EPB41L4A: variants seen among roughly 807,000 people sequenced by gnomAD.
The protein encoded by EPB41L4A is band 4.1-like protein 4A.
EPB41L4A carries 100 observed loss-of-function variants against 108.6 expected under a neutral mutation model. The ratio of observed to expected loss-of-function variants is 0.92; its 90% CI spans 0.78 to 1.09. EPB41L4A has a LOEUF of 1.09. Among genes scored for constraint, EPB41L4A ranks in the 50% least tolerant of loss-of-function variants. The pLI is 0.00. For synonymous variants in EPB41L4A, 319 were observed against 289.0 expected (o/e 1.10, Z -1.05); for missense variants, 1,030 against 842.7 (o/e 1.22, Z -2.75).
At chr5:112,209,636 GA>G (rs1762634771) in intron 13 of EPB41L4A, among the ~76,000 whole-genome samples, 1 of 152,152 alleles carries the variant, frequency 6.6e-6, no homozygotes, top group African/African-American at 2.4e-5. Context: ...TTTCTGCGGA[GA>G]ATGCAGACCA....
intron 12 of EPB41L4A, among the ~76,000 whole-genome samples, chr5:112,147,809 C>G: frequency 6.6e-6 from 1 of 152,094 alleles, no homozygotes; most frequent in East Asian, 1.9e-4. Context: ...CGGTGGCTCA[C>G]GCCTGTAATG....
At chr5:112,263,625 T>C (rs1751642416) in intron 6 of EPB41L4A, 1 of 152,122 alleles carries the variant, frequency 6.6e-6, no homozygotes, top group Admixed American at 6.6e-5. Context: ...TCTCTGACCA[T>C]CTACTTCAGC....
chr5:112,300,229 T>C lies in EPB41L4A; in HGVS notation c.204+7157A>G, dbSNP rs189703575. Among the ~76,000 whole-genome samples the C allele has an allele frequency of 4.2e-4, 64 of 152,276 alleles. No homozygotes were observed. The East Asian group carries it at 0.012, about 28-fold the overall frequency. On this transcript the variant is annotated intron_variant, in intron 2 of 22. Coordinates refer to ENST00000261486, the MANE Select transcript of EPB41L4A (RefSeq NM_022140.5). ...ACCTTGTTTTTTCTTAATTATATTT[T>C]TGTTTTATAGGTCCTGTGAGACTTA...
At chr5:112,293,635 G>A (rs776953355) in intron 2 of EPB41L4A, among the ~76,000 whole-genome samples, 6 of 152,162 alleles carry the variant, frequency 3.9e-5, no homozygotes, top group African/African-American at 9.7e-5. Flanking sequence ...TTTTGAGTCC[G>A]TGTCAAAATC....
In EPB41L4A at chr5:112,162,815, T is replaced by C. The variant is rs1759991594; in HGVS notation, c.*2175A>G. 1 of 152,202 alleles carries C rather than the reference T, an allele frequency of 6.6e-6. No homozygotes were observed. The highest frequency in any genetic ancestry group is 6.5e-5 in the Admixed American group (1 of 15,290). 9.4% of individuals were successfully genotyped at this position (152,202 alleles called of 1,614,324 possible). On this transcript the variant is annotated 3_prime_UTR_variant, in exon 23 of 23. Transcript: ENST00000261486. ...CCTGAGAAAGAGTTGAGACTAAAGG[T>C]ATGTGTCATATTTTTCACAAGGCAA...
At chr5:112,400,103 T>C (rs2112739059) in intron 1 of EPB41L4A, among the ~76,000 whole-genome samples, 1 of 152,288 alleles carries the variant, frequency 6.6e-6, no homozygotes, top group African/African-American at 2.4e-5. Context: ...TGCACATGGC[T>C]GGGGAGACCT....
At chr5:112,407,344 G>T (rs1580850229) in intron 1 of EPB41L4A, among the ~76,000 whole-genome samples, 4 of 152,182 alleles carry the variant, frequency 2.6e-5, no homozygotes, top group African/African-American at 9.6e-5. Context: ...AGTCATAGAG[G>T]ATTGTAGTTC....
intron 17 of EPB41L4A, among the ~76,000 whole-genome samples, 177 bp from the exon 18 acceptor site, chr5:112,184,312 C>A (rs932476671): frequency 6.6e-6 from 1 of 152,128 alleles, no homozygotes; most frequent in African/African-American, 2.4e-5. Flanking sequence ...CATATATAAA[C>A]CCTCAGAAGT....
At position 112,171,628 on chromosome 5, in the gene EPB41L4A, C is replaced by T. The variant is rs576428951; in HGVS notation, c.1623-636G>A. The stretch of plus-strand genomic sequence containing the variant: ...ATCTTTTCTCCAAGAAGTATGTGAG[C>T]AGATATTATACCACTATCTTTAACT... On this transcript the variant is annotated intron_variant, in intron 18 of 22. Coordinates refer to ENST00000261486, the MANE Select transcript of EPB41L4A (RefSeq NM_022140.5). Among the ~76,000 whole-genome samples, 5 of 152,356 alleles carry T rather than the reference C, an allele frequency of 3.3e-5. No homozygotes were observed. In the East Asian group the frequency reaches 9.6e-4, roughly 29 times the overall value.
At chr5:112,193,551 T>C (rs1561464090) in intron 17 of EPB41L4A, among the ~76,000 whole-genome samples, 1 of 152,222 alleles carries the variant, frequency 6.6e-6, no homozygotes, top group Non-Finnish European at 1.5e-5. Context: ...TCTGCCTGCC[T>C]TGGCCTCCCA....
At chr5:112,353,366 G>C (rs912593123) in intron 1 of EPB41L4A, among the ~76,000 whole-genome samples, 1 of 152,206 alleles carries the variant, frequency 6.6e-6, no homozygotes, top group Non-Finnish European at 1.5e-5. Flanking sequence ...CGGCAGTGGC[G>C]GGCTGAGCAG....
chr5:112,194,298 T>C (rs1303109517), intron 17 of EPB41L4A, among the ~76,000 whole-genome samples: 2 of 151,926 alleles, frequency 1.3e-5, no homozygotes, highest in African/African-American at 2.4e-5. Context: ...TCACTACACA[T>C]TGTAGCTATA....
chr5:112,330,846 G>T (rs821738), intron 1 of EPB41L4A, among the ~76,000 whole-genome samples: 35,740 of 151,962 alleles, frequency 0.24, 6,020 homozygotes, highest in African/African-American at 0.48. Flanking sequence ...AAATCATCAA[G>T]AGTGATTACC....
intron 1 of EPB41L4A, among the ~76,000 whole-genome samples, chr5:112,341,041 T>C (rs1041370329): frequency 1.3e-5 from 2 of 152,124 alleles, no homozygotes; most frequent in African/African-American, 4.8e-5. Context: ...CACTCCATAA[T>C]AGCAATCCTC....
chr5:112,215,717 C>T (rs939076302), intron 12 of EPB41L4A, among the ~76,000 whole-genome samples: 2 of 144,594 alleles, frequency 1.4e-5, no homozygotes, highest in Non-Finnish European at 1.5e-5. Context: ...GAGCAGAGAT[C>T]GCGCCACTGC....
chr5:112,278,249 C>T (rs928664510), intron 3 of EPB41L4A, among the ~76,000 whole-genome samples: 7 of 125,440 alleles, frequency 5.6e-5, no homozygotes, highest in Non-Finnish European at 1.0e-4. Flanking sequence ...TCTTACTATA[C>T]ATCAATTTTT....
At position 112,399,323 on chromosome 5, in the gene EPB41L4A, A is replaced by T. The variant is rs79201740; in HGVS notation, c.99+19618T>A. 1.5e-4 allele frequency among the ~76,000 whole-genome samples: 23 copies of T among 152,096 alleles called. No homozygotes were observed. In the East Asian group the frequency reaches 4.5e-3, roughly 29 times the overall value. ...AGGAAGGCTCCCCTCCCATTCAATC[A>T]GATTCCCCTGTTGTATACTCTCATG... On this transcript the variant is annotated intron_variant, in intron 1 of 22. Coordinates refer to ENST00000261486, the MANE Select transcript of EPB41L4A (RefSeq NM_022140.5).
intron 18 of EPB41L4A, among the ~76,000 whole-genome samples, chr5:112,176,311 C>T (rs1052391442): frequency 2.6e-5 from 4 of 152,136 alleles, no homozygotes; most frequent in African/African-American, 9.7e-5. Context: ...ACAGTCATAA[C>T]TCAAATAAAG....
At chr5:112,213,126 ATG>A (rs1184922971) in intron 12 of EPB41L4A, among the ~76,000 whole-genome samples, 1 of 152,204 alleles carries the variant, frequency 6.6e-6, no homozygotes, top group Non-Finnish European at 1.5e-5. Context: ...AAAAAAAATC[ATG>A]TGAGTGCTCT....
Sources: gnomAD v4.1 joint callset for allele counts (sites outside exome capture counted in the v4.1 genomes callset) on GRCh38, gnomAD v4.1.1 for gene constraint, MANE v1.5 for transcripts, NCBI Gene and HGNC (gene_info 2026-07-23, HGNC 2026-07-21) for gene names.